Variants in LOC400499 observed in about 807,000 individuals in gnomAD.
chr16:11,461,488 T>C, the LOC400499 span, among the ~76,000 whole-genome samples: 7 of 152,218 alleles, frequency 4.6e-5, no homozygotes, highest in Non-Finnish European at 1.0e-4. Context: ...CCCGAAGTGC[T>C]GGGATTTCAG....
chr16:11,469,974 C>A, the LOC400499 span, among the ~76,000 whole-genome samples: 1 of 152,208 alleles, frequency 6.6e-6, no homozygotes, highest in Non-Finnish European at 1.5e-5. Context: ...ATGATCTCGG[C>A]TCACTGCAGC....
the LOC400499 span, among the ~76,000 whole-genome samples, chr16:11,377,952 T>A: frequency 6.6e-6 from 1 of 152,242 alleles, no homozygotes; most frequent in Non-Finnish European, 1.5e-5. Flanking sequence ...TGGTCTCTGA[T>A]TCAATCTCCT....
At chr16:11,379,782 C>G in the LOC400499 span, among the ~76,000 whole-genome samples, 1 of 152,188 alleles carries the variant, frequency 6.6e-6, no homozygotes, top group Non-Finnish European at 1.5e-5. Context: ...TTTATTGTGA[C>G]ACACTTAGGA....
the LOC400499 span, among the ~76,000 whole-genome samples, chr16:11,453,241 A>G: frequency 6.6e-6 from 1 of 152,218 alleles, no homozygotes; most frequent in Non-Finnish European, 1.5e-5. Context: ...GCTCCAGAAT[A>G]TCAGATCCCT....
chr16:11,501,863 A>G, the LOC400499 span, among the ~76,000 whole-genome samples: 2 of 152,172 alleles, frequency 1.3e-5, no homozygotes, highest in Admixed American at 1.3e-4. Flanking sequence ...CAGGCAGGAT[A>G]GAGCTTGGAC....
At chr16:11,383,922 C>G in the LOC400499 span, 223 of 1,231,928 alleles carry the variant, frequency 1.8e-4, no homozygotes, top group African/African-American at 3.0e-3. Flanking sequence ...AGTGGGGGCC[C>G]TCGAAGAAGG....
At chr16:11,480,544 CTG>C in the LOC400499 span, among the ~76,000 whole-genome samples, 5 of 152,190 alleles carry the variant, frequency 3.3e-5, no homozygotes, top group African/African-American at 1.2e-4. Context: ...GTTATGTAAA[CTG>C]TGGTTCCTAC....
the LOC400499 span, among the ~76,000 whole-genome samples, chr16:11,518,217 C>G: frequency 6.6e-6 from 1 of 152,232 alleles, no homozygotes; most frequent in Non-Finnish European, 1.5e-5. Context: ...CAGCATCCCC[C>G]ATCCTGGTAT....
the LOC400499 span, chr16:11,390,453 G>A: frequency 8.0e-7 from 1 of 1,244,526 alleles, no homozygotes; most frequent in Admixed American, 4.0e-5. Flanking sequence ...CCTTCAGTGT[G>A]GCCAGGGGCC....
At chr16:11,492,146 G>A in the LOC400499 span, among the ~76,000 whole-genome samples, 3 of 152,162 alleles carry the variant, frequency 2.0e-5, no homozygotes, top group South Asian at 2.1e-4. Flanking sequence ...ATAGTGTCTC[G>A]CCACACAGGA....
chr16:11,494,869 G>A, the LOC400499 span: 4 of 397,834 alleles, frequency 1.0e-5, no homozygotes, highest in African/African-American at 8.2e-5. Context: ...ACAGAGCTGA[G>A]TCCCCCAGAG....
the LOC400499 span, chr16:11,417,626 C>T: frequency 5.0e-6 from 2 of 399,076 alleles, no homozygotes; most frequent in Non-Finnish European, 4.4e-6. Flanking sequence ...GCGCTGAGTG[C>T]CTTACCGTGT....
chr16:11,457,178 C>T, the LOC400499 span: 1 of 718,012 alleles, frequency 1.4e-6, no homozygotes, highest in East Asian at 2.8e-5. Flanking sequence ...GAACGCAGTC[C>T]AAAAAAACAA....
At chr16:11,378,214 G>C in the LOC400499 span, among the ~76,000 whole-genome samples, 1 of 141,630 alleles carries the variant, frequency 7.1e-6, no homozygotes, top group Non-Finnish European at 1.5e-5. Flanking sequence ...TAGGATTATA[G>C]AACAGTGTCA....
chr16:11,424,923 A>G, the LOC400499 span, among the ~76,000 whole-genome samples: 4 of 152,162 alleles, frequency 2.6e-5, no homozygotes, highest in Non-Finnish European at 4.4e-5. Context: ...CAATACGGTA[A>G]CAACTGGTGC....
the LOC400499 span, chr16:11,385,342 C>G: frequency 8.9e-6 from 11 of 1,232,168 alleles, no homozygotes; most frequent in African/African-American, 1.6e-5. Flanking sequence ...AGGATGCTGC[C>G]GCACTGGGTG....
the LOC400499 span, among the ~76,000 whole-genome samples, chr16:11,521,674 T>C: frequency 6.6e-6 from 1 of 152,162 alleles, no homozygotes; most frequent in Admixed American, 6.5e-5. Context: ...CCCCGTTCTA[T>C]GGCTCTTCTC....
At chr16:11,427,485 C>T in the LOC400499 span, among the ~76,000 whole-genome samples, 5 of 152,012 alleles carry the variant, frequency 3.3e-5, no homozygotes, top group Admixed American at 3.3e-4. Flanking sequence ...CATTCTGTTG[C>T]CCAGGCTGGA....
chr16:11,452,284 G>A, the LOC400499 span, among the ~76,000 whole-genome samples: 16 of 149,028 alleles, frequency 1.1e-4, no homozygotes, highest in African/African-American at 4.0e-4. Context: ...AGAGTCATGC[G>A]CCAGTGTATA....
Sources: allele counts gnomAD v4.1 joint callset (sites outside exome capture counted in the v4.1 genomes callset), GRCh38; gene constraint gnomAD v4.1.1; transcripts MANE v1.5.